The following GRIN2A variants were observed in gnomAD, a reference collection of about 807,000 sequenced individuals.
GRIN2A encodes glutamate ionotropic receptor NMDA type subunit 2A, also known as glutamate receptor ionotropic, NMDA 2A.
GRIN2A carries 22 observed loss-of-function variants against 113.4 expected under a neutral mutation model. That is an observed-to-expected ratio of 0.19 (90% CI 0.14 to 0.28). The LOEUF (loss-of-function observed/expected upper bound fraction) is 0.28. Ranked by LOEUF, GRIN2A falls within the 10% of genes least tolerant of loss-of-function variation. The pLI, the probability that GRIN2A is intolerant of heterozygous loss-of-function variation, is 1.00. For missense variants in GRIN2A, 1,502 were observed against 1,887.0 expected (o/e 0.80, Z 3.78); for synonymous variants, 827 against 738.4 (o/e 1.12, Z -1.94).
chr16:9,993,499 T>C (rs964617476), intron 2 of GRIN2A, among the ~76,000 whole-genome samples: 10 of 152,146 alleles, frequency 6.6e-5, no homozygotes, highest in Non-Finnish European at 1.5e-5. Flanking sequence ...AAGGCTGCAG[T>C]AAGCTACGAT....
chr16:9,954,771 C>T (rs72772139), intron 2 of GRIN2A, among the ~76,000 whole-genome samples: 4 of 152,120 alleles, frequency 2.6e-5, no homozygotes, highest in South Asian at 2.1e-4. Flanking sequence ...TCTCTCTACC[C>T]GGCACTCAAG....
chr16:9,992,246 G>T (rs1345625598), intron 2 of GRIN2A, among the ~76,000 whole-genome samples: 1 of 152,094 alleles, frequency 6.6e-6, no homozygotes, highest in East Asian at 1.9e-4. Context: ...TGCAATCCTG[G>T]TTCTTAATAA....
At chr16:10,002,452 T>C (rs905332796) in intron 2 of GRIN2A, among the ~76,000 whole-genome samples, 6 of 152,158 alleles carry the variant, frequency 3.9e-5, no homozygotes, top group South Asian at 2.1e-4. Flanking sequence ...CAATGAGAAA[T>C]TCATCTCTGG....
At chr16:9,780,840 T>C (rs1901894003) in intron 11 of GRIN2A, among the ~76,000 whole-genome samples, 1 of 152,058 alleles carries the variant, frequency 6.6e-6, no homozygotes, top group Admixed American at 6.5e-5. Context: ...GAGAGAAAAA[T>C]ACAAACTTTT....
intron 11 of GRIN2A, among the ~76,000 whole-genome samples, chr16:9,795,012 CATGATGATGATG>C (rs144855272): frequency 1.5e-3 from 226 of 151,290 alleles, no homozygotes; most frequent in South Asian, 5.2e-3. Flanking sequence ...TGGCAATGGT[CATGATGATGATG>C]ATGATGACGG....
At chr16:9,819,507 G>T (rs1282035732) in intron 10 of GRIN2A, among the ~76,000 whole-genome samples, 1 of 150,076 alleles carries the variant, frequency 6.7e-6, no homozygotes, top group Non-Finnish European at 1.5e-5. Context: ...GGGTGACAGA[G>T]TGAGACCCTG....
At chr16:9,971,090 A>C (rs1459183431) in intron 2 of GRIN2A, among the ~76,000 whole-genome samples, 1 of 152,212 alleles carries the variant, frequency 6.6e-6, no homozygotes, top group African/African-American at 2.4e-5. Context: ...ATGGGTGACA[A>C]ATAAGAGCAG....
chr16:10,058,767 C>G (rs914856073), intron 2 of GRIN2A, among the ~76,000 whole-genome samples: 2 of 152,196 alleles, frequency 1.3e-5, no homozygotes, highest in Admixed American at 6.5e-5. Context: ...ATTCATCCCC[C>G]AAATTCTGAA....
At chr16:9,997,045 G>A (rs1184238295) in intron 2 of GRIN2A, among the ~76,000 whole-genome samples, 1 of 151,910 alleles carries the variant, frequency 6.6e-6, no homozygotes, top group East Asian at 1.9e-4. Context: ...ATCATCACCA[G>A]CCCAAAAATG....
At chr16:10,042,092 A>T (rs144235837) in intron 2 of GRIN2A, among the ~76,000 whole-genome samples, 1 of 152,184 alleles carries the variant, frequency 6.6e-6, no homozygotes, top group Non-Finnish European at 1.5e-5. Flanking sequence ...AGGTGGCTCC[A>T]AAAAAAGCAC....
intron 2 of GRIN2A, among the ~76,000 whole-genome samples, chr16:10,036,131 TCA>T (rs1036250781): frequency 6.6e-6 from 1 of 150,412 alleles, no homozygotes; most frequent in Non-Finnish European, 1.5e-5. Flanking sequence ...ATAACTGAGA[TCA>T]GGGGTTTTTC....
chr16:9,889,880 T>C (rs556155522), intron 4 of GRIN2A, among the ~76,000 whole-genome samples: 165 of 152,356 alleles, frequency 1.1e-3, no homozygotes, highest in South Asian at 1.9e-3. Flanking sequence ...GAATGTAGTC[T>C]ACTTTGGTGG....
chr16:9,831,806 G>A (rs559554325), intron 8 of GRIN2A, among the ~76,000 whole-genome samples: 3 of 152,008 alleles, frequency 2.0e-5, no homozygotes, highest in Admixed American at 6.6e-5. Flanking sequence ...ATGAGCCACC[G>A]TGCCTGGCCT....
chr16:9,846,162 G>C (rs1251142638), intron 5 of GRIN2A, among the ~76,000 whole-genome samples: 2 of 152,136 alleles, frequency 1.3e-5, no homozygotes, highest in African/African-American at 4.8e-5. Context: ...TATGAATCAT[G>C]AATCATGGGA....
chr16:9,962,333 G>A (rs952084184), intron 2 of GRIN2A, among the ~76,000 whole-genome samples: 5 of 151,974 alleles, frequency 3.3e-5, no homozygotes, highest in African/African-American at 1.2e-4. Context: ...GCAACCTACA[G>A]AATGGGAGAA....
Position 10,180,645 on chromosome 16 carries a change from A to C in GRIN2A, c.-18-216T>G. 1.3e-5 allele frequency: 10 copies of C among 762,342 alleles called. No homozygotes were observed. The highest frequency in any genetic ancestry group is 2.1e-5 in the Non-Finnish European group (10 of 485,768). 47.2% of individuals were successfully genotyped at this position (762,342 alleles called of 1,614,324 possible). ...CAACTCCAATTCGAGCTAATTCTCCATCCCCCAGCCCCTTCTCGCATCCAG... is the reference window on the plus strand; with the variant it reads ...CAACTCCAATTCGAGCTAATTCTCCCTCCCCCAGCCCCTTCTCGCATCCAG... On this transcript the variant is annotated intron_variant, in intron 1 of 12. Coordinates refer to ENST00000330684, the MANE Select transcript of GRIN2A (RefSeq NM_001134407.3). This position sits in a 1 kb window ranked among gnomAD's most constrained non-coding sequence, Gnocchi z 7.0.
chr16:9,891,896 G>A (rs1177671241), intron 3 of GRIN2A, among the ~76,000 whole-genome samples: 4 of 152,146 alleles, frequency 2.6e-5, no homozygotes, highest in African/African-American at 9.7e-5. Context: ...GGAACAGAAA[G>A]TGCAGGATTT....
intron 2 of GRIN2A, among the ~76,000 whole-genome samples, chr16:10,024,284 C>T (rs2046779680): frequency 6.6e-6 from 1 of 152,176 alleles, no homozygotes; most frequent in African/African-American, 2.4e-5. Flanking sequence ...AGTGCAGTGG[C>T]ACCATCTTGG....
intron 2 of GRIN2A, among the ~76,000 whole-genome samples, chr16:10,104,810 C>T (rs1318628045): frequency 2.6e-5 from 4 of 152,112 alleles, no homozygotes; most frequent in African/African-American, 4.8e-5. Context: ...CCGCAGTCGA[C>T]GGCAGGGTAT....
Sources: gnomAD v4.1 joint callset for allele counts (sites outside exome capture counted in the v4.1 genomes callset) on GRCh38, gnomAD v4.1.1 for gene constraint, Gnocchi (gnomAD v3.1) non-coding constraint, MANE v1.5 for transcripts, NCBI Gene and HGNC (gene_info 2026-07-23, HGNC 2026-07-21) for gene names.